Variants in MYO1B observed in about 807,000 individuals in gnomAD.
The protein encoded by MYO1B is unconventional myosin-Ib.
A neutral mutation model predicts 159.7 loss-of-function variants in MYO1B; 72 were observed. The observed-to-expected ratio is 0.45, with a 90% confidence interval of 0.37 to 0.55. The LOEUF (loss-of-function observed/expected upper bound fraction) is 0.55, where lower values mean the gene tolerates loss of function less well. MYO1B is among the 20% of genes least tolerant of loss of function. The probability of loss-of-function intolerance (pLI) is 0.00; values close to 1 mark genes in which losing one functional copy is unlikely to be tolerated. For missense variants in MYO1B, 1,062 were observed against 1,364.8 expected (o/e 0.78, Z 3.50); for synonymous variants, 468 against 473.8 (o/e 0.99, Z 0.16).
At chr2:191,337,821 T>C (rs1691956131) in intron 4 of MYO1B, among the ~76,000 whole-genome samples, 1 of 152,178 alleles carries the variant, frequency 6.6e-6, no homozygotes, top group Admixed American at 6.5e-5. Flanking sequence ...TGGTGGATGA[T>C]ACTCCATTTT....
chr2:191,312,898 A>G (rs1031535826), intron 3 of MYO1B, among the ~76,000 whole-genome samples: 3 of 152,218 alleles, frequency 2.0e-5, no homozygotes, highest in African/African-American at 4.8e-5. Flanking sequence ...GCCTTCAGCT[A>G]TTCTGTGCTG....
chr2:191,351,045 G>T (rs1692887046), intron 7 of MYO1B, among the ~76,000 whole-genome samples: 1 of 152,046 alleles, frequency 6.6e-6, no homozygotes, highest in South Asian at 2.1e-4. Context: ...AGGGCTTTGT[G>T]CACCTCAGCC....
intron 1 of MYO1B, among the ~76,000 whole-genome samples, chr2:191,254,254 C>G (rs1686299470): frequency 6.6e-6 from 1 of 151,976 alleles, no homozygotes; most frequent in Non-Finnish European, 1.5e-5. Flanking sequence ...CTCTTGCTGC[C>G]CAGGCTGGAG....
In MYO1B at chr2:191,393,122, C is replaced by G. The variant is rs767276219; in HGVS notation, c.2126C>G (p.Thr709Ser). The G allele has an allele frequency of 1.2e-6, 2 of 1,613,940 alleles. No individual in the cohort carries two copies. Among genetic ancestry groups the G allele is most frequent in the East Asian group, 2.2e-5 (1 of 44,864 alleles). ...LRKQRLEDLA[T>S]LIQKIYRGWK... ...AAGCAACGCCTGGAGGACTTGGCCA[C>G]TCTCATTCAGAAGATATATCGGGGG... Residue 709 changes from threonine (T) to serine (S), a missense_variant, in exon 20 of 31, where the codon ACT becomes AGT. Physicochemically the swap from Thr to Ser is moderately conservative, Grantham distance 58 (BLOSUM62 1). This residue lies in a region of MYO1B where 609 missense variants were observed against 744.4 expected (regional missense o/e 0.82). Transcript: ENST00000392318.
intron 4 of MYO1B, among the ~76,000 whole-genome samples, chr2:191,340,327 C>T (rs899923740): frequency 6.6e-6 from 1 of 152,106 alleles, no homozygotes; most frequent in Non-Finnish European, 1.5e-5. Context: ...AGTGGTTTCA[C>T]TGCATCTGAC....
chr2:191,264,061 A>G (rs181966370), intron 1 of MYO1B, among the ~76,000 whole-genome samples: 1 of 152,322 alleles, frequency 6.6e-6, no homozygotes, highest in East Asian at 1.9e-4. Flanking sequence ...TGCTTCCAAC[A>G]TTAGAAAAAC....
chr2:191,396,342 C>G, intron 20 of MYO1B, 87 bp from the exon 21 acceptor site: 2 of 1,387,450 alleles, frequency 1.4e-6, no homozygotes, highest in Non-Finnish European at 2.0e-6. Flanking sequence ...GTCAGTTAGA[C>G]GAAGTGAGCA....
At chr2:191,279,676 C>T (rs1687940292) in intron 2 of MYO1B, among the ~76,000 whole-genome samples, 1 of 152,058 alleles carries the variant, frequency 6.6e-6, no homozygotes, top group South Asian at 2.1e-4. Context: ...TAGCTTGATG[C>T]CCAAGGCTAA....
intron 3 of MYO1B, among the ~76,000 whole-genome samples, chr2:191,300,639 C>T (rs867193747): frequency 6.0e-5 from 4 of 66,912 alleles, no homozygotes; most frequent in South Asian, 7.3e-4. Context: ...TGTGCGCAGC[C>T]TTTTTTTTTT....
intron 17 of MYO1B, chr2:191,387,888 C>A (rs779423407): frequency 4.8e-6 from 1 of 206,190 alleles, no homozygotes; most frequent in Non-Finnish European, 9.8e-6. Context: ...TCTGGCACTT[C>A]TTAGGAGACA....
chr2:191,363,693 G>GA (rs1477809974), intron 9 of MYO1B, 35 bp from the exon 10 acceptor site: 10 of 1,565,400 alleles, frequency 6.4e-6, no homozygotes, highest in Non-Finnish European at 7.7e-6. Flanking sequence ...ATAACTATAA[G>GA]AAAAAAATAG....
intron 3 of MYO1B, among the ~76,000 whole-genome samples, chr2:191,321,720 A>G (rs975181978): frequency 8.5e-5 from 13 of 152,086 alleles, no homozygotes; most frequent in African/African-American, 2.9e-4. Context: ...TTTCCATGAC[A>G]TGCGTCTCTC....
intron 13 of MYO1B, among the ~76,000 whole-genome samples, chr2:191,375,508 G>GATAGATAGATAC (rs1463039738): frequency 1.6e-4 from 24 of 152,182 alleles, no homozygotes; most frequent in African/African-American, 5.5e-4. Flanking sequence ...TAGATAGATA[G>GATAGATAGATAC]ATAGATGGAT....
chr2:191,326,821 C>CGCGT (rs1691128064), intron 3 of MYO1B, among the ~76,000 whole-genome samples: 1 of 141,564 alleles, frequency 7.1e-6, no homozygotes, highest in Non-Finnish European at 1.6e-5. Context: ...TGTGTGCGCG[C>CGCGT]GCCATATATG....
intron 1 of MYO1B, among the ~76,000 whole-genome samples, chr2:191,250,534 A>G (rs1686046094): frequency 6.6e-6 from 1 of 152,204 alleles, no homozygotes; most frequent in Non-Finnish European, 1.5e-5. Context: ...GACTTCAGGC[A>G]TATTTGCATT....
At chr2:191,251,572 G>A (rs1333644186) in intron 1 of MYO1B, among the ~76,000 whole-genome samples, 1 of 152,086 alleles carries the variant, frequency 6.6e-6, no homozygotes, top group East Asian at 1.9e-4. Context: ...AATTCTTCCT[G>A]GACTCAAGAT....
At chr2:191,318,095 A>G (rs1198932041) in intron 3 of MYO1B, among the ~76,000 whole-genome samples, 2 of 152,226 alleles carry the variant, frequency 1.3e-5, no homozygotes, top group Non-Finnish European at 2.9e-5. Context: ...AAGAAACTGT[A>G]AACAAAAAAA....
At chr2:191,274,897 A>G (rs1687655851) in intron 1 of MYO1B, among the ~76,000 whole-genome samples, 1 of 151,732 alleles carries the variant, frequency 6.6e-6, no homozygotes, top group African/African-American at 2.4e-5. Context: ...GGTATCTGGG[A>G]CTTTTCTTTC....
At chr2:191,266,532 G>A (rs898803445) in intron 1 of MYO1B, among the ~76,000 whole-genome samples, 14 of 152,276 alleles carry the variant, frequency 9.2e-5, no homozygotes, top group Middle Eastern at 3.4e-3. Context: ...GTGCAGTGTT[G>A]TGAAGAGCTT....
Sources: gnomAD v4.1 joint callset for allele counts (sites outside exome capture counted in the v4.1 genomes callset) on GRCh38, gnomAD v4.1.1 for gene constraint, gnomAD v4.1.1 regional missense constraint, MANE v1.5 for transcripts, NCBI Gene and HGNC (gene_info 2026-07-23, HGNC 2026-07-21) for gene names.